Variants in CDH11 observed in about 807,000 individuals in gnomAD.
The protein encoded by CDH11 is cadherin-11.
Under a neutral mutation model 67.8 loss-of-function variants are expected in CDH11, and 11 were observed. The observed-to-expected ratio is 0.16, with a 90% confidence interval of 0.10 to 0.27. The LOEUF is 0.27. CDH11 is among the 10% of genes least tolerant of loss of function. CDH11 has a pLI of 1.00. For synonymous variants in CDH11, 419 were observed against 400.0 expected (o/e 1.05, Z -0.57); for missense variants, 847 against 1,031.2 (o/e 0.82, Z 2.45).
chr16:65,050,065 T>G (rs563780359), intron 2 of CDH11, among the ~76,000 whole-genome samples: 1 of 152,252 alleles, frequency 6.6e-6, no homozygotes, highest in African/African-American at 2.4e-5. Context: ...TCCTGCTGGT[T>G]ATTACTCAGC....
chr16:65,021,772 T>C (rs1159290091), intron 2 of CDH11, among the ~76,000 whole-genome samples: 2 of 148,140 alleles, frequency 1.4e-5, no homozygotes, highest in African/African-American at 2.5e-5. Flanking sequence ...GTAAAACCAA[T>C]AAGCCTTAAC....
intron 2 of CDH11, among the ~76,000 whole-genome samples, chr16:65,027,389 G>A (rs367841365): frequency 1.3e-5 from 2 of 152,172 alleles, no homozygotes; most frequent in East Asian, 1.9e-4. Context: ...TGGCCTTTGC[G>A]CTCAGGGATC....
chr16:65,047,035 A>G (rs2142695436), intron 2 of CDH11, among the ~76,000 whole-genome samples: 1 of 152,128 alleles, frequency 6.6e-6, no homozygotes, highest in Non-Finnish European at 1.5e-5. Context: ...AATCGCTTGA[A>G]CCTCGGAGAC....
rs914559168 is a variant in CDH11 at position 65,011,194 on chromosome 16, C to T, written c.-172-6153G>A. On this transcript the variant is annotated intron_variant, in intron 2 of 12. Coordinates refer to ENST00000268603, the MANE Select transcript of CDH11 (RefSeq NM_001797.4). ...GCTTAGTGTCCTTATGTAACCCACC[C>T]AAGTACACCCTGAATCATTGACAAT... 3.2e-4 allele frequency among the ~76,000 whole-genome samples: 48 copies of T among 151,296 alleles called. 1 individual carries two copies. Among genetic ancestry groups the T allele is most frequent in the Non-Finnish European group, 5.9e-5 (4 of 67,890 alleles).
chr16:65,007,740 A>C (rs539620521), intron 2 of CDH11, among the ~76,000 whole-genome samples: 1 of 152,324 alleles, frequency 6.6e-6, no homozygotes, highest in East Asian at 1.9e-4. Context: ...TTAGAGTTTC[A>C]GTGAGCTAGT....
At chr16:65,080,496 C>A (rs2074592456) in intron 1 of CDH11, among the ~76,000 whole-genome samples, 1 of 151,896 alleles carries the variant, frequency 6.6e-6, no homozygotes. Context: ...CATCCCATCA[C>A]AATAACAATA....
At position 65,096,406 on chromosome 16, in the gene CDH11, G is replaced by GGGGTGTGTGTGT. The variant is rs1555528173; in HGVS notation, c.-298+25473_-298+25474insACACACACACCC. 4.5e-5 allele frequency among the ~76,000 whole-genome samples: 6 copies of GGGGTGTGTGTGT among 134,034 alleles called. No individual in the cohort carries two copies. The South Asian group carries it at 7.5e-4, about 17-fold the overall frequency. 87.9% of individuals were successfully genotyped at this position (134,034 alleles called of 152,430 possible). ...CAATCTCTTACCATAAATCTTTCGG[G>GGGGTGTGTGTGT]GTGTGTGTGTGTGTGTGTGTGTGTG... On this transcript the variant is annotated intron_variant, in intron 1 of 12. Coordinates refer to ENST00000268603, the MANE Select transcript of CDH11 (RefSeq NM_001797.4).
chr16:65,082,878 G>T (rs1040432210), intron 1 of CDH11, among the ~76,000 whole-genome samples: 1 of 152,076 alleles, frequency 6.6e-6, no homozygotes, highest in Non-Finnish European at 1.5e-5. Context: ...TGTTTGAAAG[G>T]CATCATTTGC....
chr16:65,108,201 G>A (rs571896211), intron 1 of CDH11, among the ~76,000 whole-genome samples: 43 of 152,268 alleles, frequency 2.8e-4, no homozygotes, highest in Non-Finnish European at 4.1e-4. Flanking sequence ...GATCTGATCC[G>A]TTCCTCACTT....
In CDH11 at chr16:64,947,407, C is replaced by T. The variant is rs964605971; in HGVS notation, c.*196G>A. The T allele has an allele frequency of 1.4e-5, 18 of 1,328,904 alleles. No individual in the cohort carries two copies. The highest frequency in any genetic ancestry group is 1.0e-4 in the African/African-American group (7 of 68,034). The allele number at this position is 1,328,904 out of a possible 1,614,324, so 82.3% of individuals were successfully genotyped here. On this transcript the variant is annotated 3_prime_UTR_variant, in exon 13 of 13. Coordinates refer to ENST00000268603, the MANE Select transcript of CDH11 (RefSeq NM_001797.4). The stretch of plus-strand genomic sequence containing the variant: ...GTTGATAAACAACTTCAATATTTGC[C>T]TTTTTGTGAGAAAAGGTATTTCACA...
In CDH11 at chr16:64,962,541, G is replaced by C. The variant is rs537544049; in HGVS notation, c.1642+9038C>G. Among the ~76,000 whole-genome samples the C allele has an allele frequency of 2.0e-5, 3 of 152,044 alleles. No individual in the cohort carries two copies. In the East Asian group the frequency reaches 5.8e-4, roughly 30 times the overall value. On this transcript the variant is annotated intron_variant, in intron 11 of 12. Coordinates refer to ENST00000268603, the MANE Select transcript of CDH11 (RefSeq NM_001797.4). ...AGTGTGGAGAAGTTAAAATCTCTAG[G>C]GGAACCCAGTCACAGGACCTCTCCC...
At position 64,971,651 on chromosome 16, in the gene CDH11, C is replaced by T. The variant is rs749459591; in HGVS notation, c.1570G>A (p.Gly524Arg). The T allele has an allele frequency of 1.2e-6, 2 of 1,613,434 alleles. No homozygotes were observed. Among genetic ancestry groups the T allele is most frequent in the African/African-American group, 1.3e-5 (1 of 74,884 alleles). The stretch of plus-strand genomic sequence containing the variant: ...GGTAGGCTGAAGATAAATCTTGGTC[C>T]ATTGGCCGTGTCATCCTTGTCATCT... Reference protein sequence around the residue: ...SADDKDDTANGPRFIFSLPPE... With the variant: ...SADDKDDTANRPRFIFSLPPE... Residue 524 changes from glycine to arginine, a missense_variant, in exon 11 of 13, where the codon GGA (glycine) becomes AGA (arginine). Physicochemically the swap from Gly to Arg is moderately radical, Grantham distance 125. This residue lies in a region of CDH11 where 612 missense variants were observed against 678.7 expected (regional missense o/e 0.90). Transcript: ENST00000268603.
At chr16:65,062,979 G>A (rs1450736891) in intron 1 of CDH11, among the ~76,000 whole-genome samples, 1 of 152,188 alleles carries the variant, frequency 6.6e-6, no homozygotes, top group Non-Finnish European at 1.5e-5. Flanking sequence ...AAATACACTG[G>A]ATTCACCCAG....
intron 2 of CDH11, among the ~76,000 whole-genome samples, chr16:65,035,184 T>C (rs1375452127): frequency 1.3e-5 from 2 of 152,222 alleles, no homozygotes; most frequent in African/African-American, 4.8e-5. Flanking sequence ...AATCGGAGCA[T>C]CCAGGGTGCC....
intron 12 of CDH11, chr16:64,948,669 C>A (rs1415333755): frequency 1.2e-6 from 2 of 1,610,078 alleles, no homozygotes; most frequent in East Asian, 4.5e-5. Context: ...TTATAAAGAC[C>A]CCCAGAAGAC....
At chr16:65,017,692 T>C (rs2073338825) in intron 2 of CDH11, among the ~76,000 whole-genome samples, 1 of 152,150 alleles carries the variant, frequency 6.6e-6, no homozygotes, top group Non-Finnish European at 1.5e-5. Flanking sequence ...AGTAGTCAGT[T>C]GATTCCAATA....
chr16:65,115,724 A>AAAAAAC (rs1567589033), intron 1 of CDH11, among the ~76,000 whole-genome samples: 1 of 147,312 alleles, frequency 6.8e-6, no homozygotes, highest in African/African-American at 2.6e-5. Context: ...AAAAAAAACA[A>AAAAAAC]AAAAACAAAA....
chr16:65,055,247 C>T (rs904319798), intron 1 of CDH11, among the ~76,000 whole-genome samples: 3 of 152,166 alleles, frequency 2.0e-5, no homozygotes, highest in Admixed American at 1.3e-4. Flanking sequence ...GATAGGCATG[C>T]CCTTGTGCAG....
At chr16:65,098,643 G>A (rs1350874365) in intron 1 of CDH11, among the ~76,000 whole-genome samples, 5 of 152,052 alleles carry the variant, frequency 3.3e-5, no homozygotes, top group African/African-American at 1.2e-4. Context: ...CTGGATTACA[G>A]GCATGAGATA....
Sources: gnomAD v4.1 joint callset for allele counts (sites outside exome capture counted in the v4.1 genomes callset) on GRCh38, gnomAD v4.1.1 for gene constraint, gnomAD v4.1.1 regional missense constraint, MANE v1.5 for transcripts, NCBI Gene and HGNC (gene_info 2026-07-23, HGNC 2026-07-21) for gene names.